Variants in HOOK3 observed in about 807,000 individuals in gnomAD.
HOOK3 encodes protein Hook homolog 3.
HOOK3 carries 24 observed loss-of-function variants against 116.3 expected under a neutral mutation model. That is an observed-to-expected ratio of 0.21 (90% CI 0.15 to 0.29). The LOEUF is 0.29. HOOK3 is among the 10% of genes least tolerant of loss of function. The pLI, the probability that HOOK3 is intolerant of heterozygous loss-of-function variation, is 1.00. For missense variants in HOOK3, 632 were observed against 830.2 expected, an observed-to-expected ratio of 0.76 and a Z score of 2.93; for synonymous variants, 275 against 283.0, an observed-to-expected ratio of 0.97 and a Z score of 0.28.
intron 2 of HOOK3, among the ~76,000 whole-genome samples, chr8:42,910,297 T>C (rs1412939960): frequency 1.3e-5 from 2 of 152,246 alleles, no homozygotes; most frequent in African/African-American, 2.4e-5. Context: ...CAAAGTCTTA[T>C]GGGCATATTT....
intron 2 of HOOK3, among the ~76,000 whole-genome samples, chr8:42,921,555 A>T (rs1011642662): frequency 6.6e-6 from 1 of 152,230 alleles, no homozygotes; most frequent in Non-Finnish European, 1.5e-5. Context: ...TTCTTTGAGA[A>T]GTCAGAGAAC....
chr8:42,899,249 A>G (rs1807133061), intron 1 of HOOK3, among the ~76,000 whole-genome samples: 1 of 152,218 alleles, frequency 6.6e-6, no homozygotes, highest in African/African-American at 2.4e-5. Context: ...AATCTCCTAA[A>G]ATGTCAAGAA....
At chr8:43,005,191 C>CTG (rs1809456364) in intron 17 of HOOK3, among the ~76,000 whole-genome samples, 1 of 62,586 alleles carries the variant, frequency 1.6e-5, no homozygotes, top group Non-Finnish European at 3.2e-5. Context: ...CTCTCTCTCT[C>CTG]TCTCTCTCTA....
chr8:42,898,102 T>G, intron 1 of HOOK3, among the ~76,000 whole-genome samples: 1 of 152,258 alleles, frequency 6.6e-6, no homozygotes, highest in East Asian at 1.9e-4. Flanking sequence ...GAAATTCTCT[T>G]TAGCGGTGTC....
At chr8:42,927,271 T>TTTGG (rs1807786673) in intron 3 of HOOK3, among the ~76,000 whole-genome samples, 1 of 150,674 alleles carries the variant, frequency 6.6e-6, no homozygotes, top group African/African-American at 2.4e-5. Context: ...GGTTTTTTTT[T>TTTGG]TTTTGGAGAC....
intron 17 of HOOK3, among the ~76,000 whole-genome samples, chr8:43,004,771 G>T (rs117077310): frequency 6.6e-6 from 1 of 150,622 alleles, no homozygotes; most frequent in East Asian, 1.9e-4. Flanking sequence ...GAGTATTGCC[G>T]AAGATGTTGA....
Position 43,024,454 on chromosome 8 carries a change from A to G in HOOK3, c.*5956A>G, listed in dbSNP as rs1006892163. 5.4e-6 allele frequency: 1 copy of G among 186,258 alleles called. No homozygotes were observed. The highest frequency in any genetic ancestry group is 1.1e-5 in the Non-Finnish European group (1 of 88,020). The allele number at this position is 186,258 out of a possible 1,614,324, so 11.5% of individuals were successfully genotyped here. ...ATAAATTAGAAGGATTTTCCATTCA[A>G]TAAGGATAATCTCTCTTCCTATCAT... is the stretch of plus-strand genomic sequence containing the variant. On this transcript the variant is annotated 3_prime_UTR_variant, in exon 22 of 22. Transcript: ENST00000307602.
At chr8:42,904,042 C>T (rs1293655044) in intron 1 of HOOK3, among the ~76,000 whole-genome samples, 1 of 152,094 alleles carries the variant, frequency 6.6e-6, no homozygotes, top group Non-Finnish European at 1.5e-5. Flanking sequence ...GAATAAATTG[C>T]TACAGTATAT....
chr8:42,939,467 C>G (rs1188254161), intron 4 of HOOK3, among the ~76,000 whole-genome samples: 1 of 145,524 alleles, frequency 6.9e-6, no homozygotes, highest in African/African-American at 2.6e-5. Context: ...CCAGTAGGGG[C>G]GGCCGGGCAG....
intron 5 of HOOK3, among the ~76,000 whole-genome samples, chr8:42,947,844 TTGTG>T (rs34254144): frequency 6.6e-6 from 1 of 150,864 alleles, no homozygotes; most frequent in African/African-American, 2.4e-5. Flanking sequence ...GTGAATGAAA[TTGTG>T]TGTGTGTGTG....
intron 2 of HOOK3, among the ~76,000 whole-genome samples, chr8:42,919,474 G>A (rs1238466718): frequency 3.3e-5 from 5 of 151,380 alleles, no homozygotes; most frequent in Admixed American, 2.6e-4. Flanking sequence ...CGGCCGGGCA[G>A]AGGGGCTCCT....
At chr8:42,958,369 ATTTTCT>A (rs1239245247) in intron 7 of HOOK3, among the ~76,000 whole-genome samples, 1 of 151,962 alleles carries the variant, frequency 6.6e-6, no homozygotes, top group African/African-American at 2.4e-5. Context: ...AGACAATAAA[ATTTTCT>A]TTTAATCAAT....
rs1277286059 is a variant in HOOK3, at chr8:42,968,089, T to G, written c.997T>G (p.Leu333Val). Residue 333 changes from leucine to valine, a missense_variant, in exon 11 of 22, where the codon TTA becomes GTA. Leu to Val is a conservative substitution (Grantham distance 32, BLOSUM62 1). Around this residue, in one of 3 missense-constraint regions of HOOK3, gnomAD observed 483 missense variants for 648.1 expected, o/e 0.75. Coordinates refer to ENST00000307602, the MANE Select transcript of HOOK3 (RefSeq NM_032410.4). Reference sequence around the variant, plus strand: ...AAAGAAGCTAGAAGACCTTGGTGATTTAAGGCGGCAGGTTAAACTCTTAGA... The same window carrying G: ...AAAGAAGCTAGAAGACCTTGGTGATGTAAGGCGGCAGGTTAAACTCTTAGA... ...YKKKLEDLGDLRRQVKLLEEK... is the reference protein window; with the variant it reads ...YKKKLEDLGDVRRQVKLLEEK... 1.9e-6 allele frequency: 3 copies of G among 1,611,576 alleles called. 1 individual carries two copies. The highest frequency in any genetic ancestry group is 2.2e-5 in the South Asian group (2 of 91,040).
At chr8:42,916,086 G>C (rs2130341097) in intron 2 of HOOK3, among the ~76,000 whole-genome samples, 1 of 152,242 alleles carries the variant, frequency 6.6e-6, no homozygotes, top group East Asian at 1.9e-4. Context: ...CAGATCCTCT[G>C]CCTCTCCATC....
chr8:43,018,556 C>G lies in HOOK3; in HGVS notation c.*58C>G. 6.9e-7 allele frequency: 1 copy of G among 1,446,398 alleles called. No individual in the cohort carries two copies. The highest frequency in any genetic ancestry group is 9.2e-7 in the Non-Finnish European group (1 of 1,089,764). The allele number at this position is 1,446,398 out of a possible 1,614,324, so 89.6% of individuals were successfully genotyped here. On this transcript the variant is annotated 3_prime_UTR_variant, in exon 22 of 22. Transcript: ENST00000307602. ...ACCCACAACATACTTCTGTTACACA[C>G]AAGAACATTTCAGGAAACTCAGCCA...
At chr8:42,900,568 A>T (rs1807165689) in intron 1 of HOOK3, among the ~76,000 whole-genome samples, 1 of 152,164 alleles carries the variant, frequency 6.6e-6, no homozygotes, top group African/African-American at 2.4e-5. Context: ...CCCCCATTCC[A>T]TTCTCCTCTG....
chr8:42,988,618 T>C (rs1205724477), intron 15 of HOOK3, among the ~76,000 whole-genome samples: 2 of 151,846 alleles, frequency 1.3e-5, no homozygotes, highest in African/African-American at 4.9e-5. Context: ...TATGGCTGCC[T>C]ATGATCTATA....
At chr8:42,982,782 CT>C in intron 14 of HOOK3, 86 bp downstream of exon 14, 1 of 868,050 alleles carries the variant, frequency 1.2e-6, no homozygotes. Context: ...AGATAATTTC[CT>C]TATTCTTTCT....
intron 12 of HOOK3, among the ~76,000 whole-genome samples, 173 bp from the exon 13 acceptor site, chr8:42,973,934 G>T (rs937081383): frequency 3.9e-5 from 6 of 152,296 alleles, no homozygotes; most frequent in Non-Finnish European, 7.3e-5. Context: ...ATTGTTAAAT[G>T]GGAAAAATTG....
Sources: gnomAD v4.1 joint callset for allele counts (sites outside exome capture counted in the v4.1 genomes callset) on GRCh38, gnomAD v4.1.1 for gene constraint, gnomAD v4.1.1 regional missense constraint, MANE v1.5 for transcripts, NCBI Gene and HGNC (gene_info 2026-07-23, HGNC 2026-07-21) for gene names.